PRKN: variants seen among roughly 807,000 people sequenced by gnomAD.
The protein encoded by PRKN is parkin RBR E3 ubiquitin protein ligase.
PRKN carries 56 observed loss-of-function variants against 59.5 expected under a neutral mutation model. The observed-to-expected ratio is 0.94, with a 90% confidence interval of 0.76 to 1.18. The LOEUF (loss-of-function observed/expected upper bound fraction) is 1.18, where lower values mean the gene tolerates loss of function less well. Ranked by LOEUF, PRKN falls within the 50% of genes most tolerant of loss-of-function variation. The pLI is 0.00. For synonymous variants in PRKN, 250 were observed against 222.1 expected (o/e 1.13, Z -1.12); for missense variants, 657 against 596.4 (o/e 1.10, Z -1.06).
intron 2 of PRKN, among the ~76,000 whole-genome samples, chr6:162,337,710 C>T (rs761464625): frequency 3.3e-5 from 5 of 152,118 alleles, no homozygotes; most frequent in Non-Finnish European, 5.9e-5. Context: ...GTGAGGACAC[C>T]TGGGTCTAAT....
At position 162,228,043 on chromosome 6, in the gene PRKN, G is replaced by A. The variant is rs368927995; in HGVS notation, c.413-26791C>T. On this transcript the variant is annotated intron_variant, in intron 3 of 11. Transcript: ENST00000366898. ...TGAATGTGCAGACACAATGTTTATCGTAGAGAGAATTCTCCAAATAGAAGG... is the reference window on the plus strand; with the variant it reads ...TGAATGTGCAGACACAATGTTTATCATAGAGAGAATTCTCCAAATAGAAGG... Among the ~76,000 whole-genome samples, 45 of 151,980 alleles carry A rather than the reference G, an allele frequency of 3.0e-4. 1 individual carries two copies. Among genetic ancestry groups the A allele is most frequent in the African/African-American group, 1.0e-3 (43 of 41,462 alleles).
chr6:162,690,656 A>G (rs1457660221), intron 1 of PRKN, among the ~76,000 whole-genome samples: 1 of 152,192 alleles, frequency 6.6e-6, no homozygotes, highest in African/African-American at 2.4e-5. Flanking sequence ...CTAGGCTGAG[A>G]AAGAGTTAAG....
chr6:162,113,428 C>T (rs955087827), intron 4 of PRKN, among the ~76,000 whole-genome samples: 2 of 152,058 alleles, frequency 1.3e-5, no homozygotes, highest in African/African-American at 4.8e-5. Context: ...TGCTATTAAA[C>T]AAGATATGAA....
At chr6:162,718,970 G>A (rs1778831322) in intron 1 of PRKN, among the ~76,000 whole-genome samples, 1 of 152,070 alleles carries the variant, frequency 6.6e-6, no homozygotes, top group Non-Finnish European at 1.5e-5. Context: ...ACACACACGA[G>A]AAAGGGACAA....
intron 6 of PRKN, among the ~76,000 whole-genome samples, chr6:161,888,544 C>A (rs570387488): frequency 7.2e-5 from 11 of 152,336 alleles, no homozygotes; most frequent in Non-Finnish European, 8.8e-5. Context: ...GCATCCAAAA[C>A]CAACTGAATT....
chr6:162,203,863 A>G (rs1416178505), intron 3 of PRKN, among the ~76,000 whole-genome samples: 1 of 152,176 alleles, frequency 6.6e-6, no homozygotes, highest in Non-Finnish European at 1.5e-5. Flanking sequence ...GTTTGTGTTC[A>G]TAAGAGTTTC....
intron 1 of PRKN, among the ~76,000 whole-genome samples, chr6:162,535,029 A>G (rs1477326525): frequency 6.6e-6 from 1 of 151,978 alleles, no homozygotes; most frequent in African/African-American, 2.4e-5. Context: ...TTCCATCCCC[A>G]GTCCTCTTCC....
chr6:161,848,454 T>G (rs2128221947), intron 6 of PRKN, among the ~76,000 whole-genome samples: 1 of 152,338 alleles, frequency 6.6e-6, no homozygotes, highest in Middle Eastern at 3.4e-3. Flanking sequence ...TTTTTTAAAT[T>G]TTATGAGTTT....
chr6:161,836,882 G>A (rs1792778368), intron 6 of PRKN, among the ~76,000 whole-genome samples: 1 of 152,148 alleles, frequency 6.6e-6, no homozygotes, highest in Admixed American at 6.5e-5. Context: ...AGGTGCCAAG[G>A]TCTCAAATGA....
chr6:162,414,726 A>AAAAAAAAAAAAAAAAAAAAATGT (rs34838356), intron 2 of PRKN, among the ~76,000 whole-genome samples: 1 of 91,870 alleles, frequency 1.1e-5, no homozygotes, highest in Admixed American at 1.2e-4. Context: ...AAAAAAAAAA[A>AAAAAAAAAAAAAAAAAAAAATGT]AGTGAATCTT....
chr6:162,672,356 G>A (rs1779355793), intron 1 of PRKN, among the ~76,000 whole-genome samples: 1 of 151,984 alleles, frequency 6.6e-6, no homozygotes, highest in South Asian at 2.1e-4. Flanking sequence ...ATTAAGCTAA[G>A]GGAGAAAACA....
intron 6 of PRKN, among the ~76,000 whole-genome samples, chr6:161,856,717 T>G (rs1219397483): frequency 6.6e-6 from 1 of 152,164 alleles, no homozygotes; most frequent in Non-Finnish European, 1.5e-5. Flanking sequence ...AGCTCTTAAG[T>G]ATTTTGTTTC....
intron 5 of PRKN, among the ~76,000 whole-genome samples, chr6:162,027,370 T>A (rs1166924095): frequency 6.6e-6 from 1 of 152,168 alleles, no homozygotes; most frequent in Admixed American, 6.5e-5. Context: ...CCTCATAAAG[T>A]AACCATGTTT....
chr6:162,390,962 A>T lies in PRKN; in HGVS notation c.171+52348T>A, dbSNP rs965465417. Among the ~76,000 whole-genome samples the T allele has an allele frequency of 4.6e-5, 7 of 152,278 alleles. No homozygotes were observed. The East Asian group carries it at 9.7e-4, about 21-fold the overall frequency. On this transcript the variant is annotated intron_variant, in intron 2 of 11. Coordinates refer to ENST00000366898, the MANE Select transcript of PRKN (RefSeq NM_004562.3). ...AACGTAAGTCAAATATTTGATAAGG[A>T]CCACAGGCACCTTCTTTTAATTCAG...
chr6:161,349,527 G>T lies in PRKN; in HGVS notation c.*572C>A. 1.3e-5 allele frequency: 3 copies of T among 234,182 alleles called. No homozygotes were observed. In the East Asian group the frequency reaches 1.8e-4, roughly 14 times the overall value. The allele number at this position is 234,182 out of a possible 1,614,324, so 14.5% of individuals were successfully genotyped here. On this transcript the variant is annotated 3_prime_UTR_variant, in exon 12 of 12. Coordinates refer to ENST00000366898, the MANE Select transcript of PRKN (RefSeq NM_004562.3). This position sits in a 1 kb window ranked among gnomAD's most constrained non-coding sequence, Gnocchi z 5.5. Reference sequence around the variant, plus strand: ...CAAATGTTTTTGACTATTGCCTGGGGTTCTTTGGGAATAGATGCTTTCTGA... The same window carrying T: ...CAAATGTTTTTGACTATTGCCTGGGTTTCTTTGGGAATAGATGCTTTCTGA...
In PRKN at chr6:161,410,498, C is replaced by T. The variant is rs140490243; in HGVS notation, c.1084-23621G>A. Among the ~76,000 whole-genome samples, 2 of 152,282 alleles carry T rather than the reference C, an allele frequency of 1.3e-5. No homozygotes were observed. The highest frequency in any genetic ancestry group is 4.8e-5 in the African/African-American group (2 of 41,568). The stretch of plus-strand genomic sequence containing the variant: ...GCTGGTTTGAGCTTTTCAGGTTTCA[C>T]AGCAAGCTCTTGGTCCCCTAAGGCC... On this transcript the variant is annotated intron_variant, in intron 9 of 11. Transcript: ENST00000366898. The surrounding 1 kb of genome is among the most constrained non-coding windows in gnomAD (Gnocchi z 5.3).
chr6:162,355,625 A>G (rs985420272), intron 2 of PRKN, among the ~76,000 whole-genome samples: 9 of 152,048 alleles, frequency 5.9e-5, no homozygotes, highest in African/African-American at 2.2e-4. Context: ...TTCAGCATGA[A>G]TAAAAGGCAA....
intron 8 of PRKN, among the ~76,000 whole-genome samples, chr6:161,563,790 G>C (rs1226809221): frequency 2.6e-5 from 4 of 152,156 alleles, no homozygotes; most frequent in African/African-American, 9.7e-5. Context: ...TAATGAATTA[G>C]TAATTAACCA....
intron 2 of PRKN, among the ~76,000 whole-genome samples, chr6:162,314,820 C>T (rs1019263157): frequency 6.6e-5 from 10 of 152,174 alleles, no homozygotes; most frequent in African/African-American, 2.4e-4. Context: ...GTCACAGGCA[C>T]ATTTTTCTAC....
Sources: gnomAD v4.1 joint callset for allele counts (sites outside exome capture counted in the v4.1 genomes callset) on GRCh38, gnomAD v4.1.1 for gene constraint, Gnocchi (gnomAD v3.1) non-coding constraint, MANE v1.5 for transcripts, NCBI Gene and HGNC (gene_info 2026-07-23, HGNC 2026-07-21) for gene names.